Variants in PCDHGA9 observed in about 807,000 individuals in gnomAD.
PCDHGA9 encodes the protein protocadherin gamma subfamily A, 9.
PCDHGA9 carries 37 observed loss-of-function variants against 62.5 expected under a neutral mutation model. The ratio of observed to expected loss-of-function variants is 0.59; its 90% CI spans 0.46 to 0.78. PCDHGA9 has a LOEUF of 0.78. PCDHGA9 is among the 30% of genes least tolerant of loss of function. PCDHGA9 has a pLI of 0.00. For synonymous variants in PCDHGA9, 459 were observed against 484.6 expected (o/e 0.95, Z 0.69); for missense variants, 1,138 against 1,166.2 (o/e 0.98, Z 0.35).
intron 2 of PCDHGA9, among the ~76,000 whole-genome samples, chr5:141,500,125 T>C (rs1367341826): frequency 2.0e-5 from 3 of 151,970 alleles, no homozygotes; most frequent in African/African-American, 4.8e-5. Flanking sequence ...CCTTTTCATA[T>C]ATATCTTTCT....
At chr5:141,408,504 G>C (rs752297449) in intron 1 of PCDHGA9, 2 of 1,613,936 alleles carry the variant, frequency 1.2e-6, no homozygotes, top group Non-Finnish European at 1.7e-6. Context: ...GAGAGAAGAA[G>C]ATGTGAGTTG....
At chr5:141,409,986 A>G (rs995773112) in intron 1 of PCDHGA9, 27 of 1,612,796 alleles carry the variant, frequency 1.7e-5, no homozygotes, top group Non-Finnish European at 2.2e-5. Context: ...GTAGCGGTGG[A>G]CGCCGACTCG....
intron 1 of PCDHGA9, among the ~76,000 whole-genome samples, chr5:141,450,649 G>A (rs2098689040): frequency 6.6e-6 from 1 of 151,674 alleles, no homozygotes; most frequent in African/African-American, 2.4e-5. Flanking sequence ...ACCATGCCTG[G>A]CTAATTTTTG....
chr5:141,423,265 G>A (rs973635802), intron 1 of PCDHGA9: 15 of 1,613,548 alleles, frequency 9.3e-6, no homozygotes, highest in African/African-American at 1.3e-5. Context: ...CGGCAGCCTC[G>A]AGTCTCTGGC....
At chr5:141,433,358 C>CCTATCTATCTAT (rs3074541) in intron 1 of PCDHGA9, 6,701 of 503,954 alleles carry the variant, frequency 0.013, 75 homozygotes, top group East Asian at 0.016. Context: ...CTACTGTCTG[C>CCTATCTATCTAT]CTATCTATCT....
intron 1 of PCDHGA9, among the ~76,000 whole-genome samples, chr5:141,446,621 C>G (rs1284919173): frequency 6.6e-6 from 1 of 152,094 alleles, no homozygotes; most frequent in African/African-American, 2.4e-5. Context: ...GGACTACAGG[C>G]GTGCACCACC....
At chr5:141,473,033 G>GGAAA (rs1282468299) in intron 1 of PCDHGA9, among the ~76,000 whole-genome samples, 1 of 146,284 alleles carries the variant, frequency 6.8e-6, no homozygotes, top group African/African-American at 2.5e-5. Flanking sequence ...AAGGAAGGAA[G>GGAAA]GAAAGAAAGA....
intron 1 of PCDHGA9, chr5:141,478,813 A>G (rs2099478658): frequency 4.8e-6 from 7 of 1,453,346 alleles, no homozygotes; most frequent in Non-Finnish European, 6.3e-6. Context: ...TGCTATCACA[A>G]CTAACCAATC....
At chr5:141,409,098 G>A in intron 1 of PCDHGA9, 2 of 1,613,994 alleles carry the variant, frequency 1.2e-6, no homozygotes, top group Non-Finnish European at 1.7e-6. Flanking sequence ...GAGAAAACAG[G>A]TATGATTAAG....
rs370704205 is a variant in PCDHGA9, at chr5:141,422,166, T to C, written c.2424+16790T>C. 4.5e-6 allele frequency: 7 copies of C among 1,569,374 alleles called. No individual in the cohort carries two copies. In the South Asian group the frequency reaches 8.5e-5, roughly 19 times the overall value. ...GGGGGTCTCTGGATTTTGAAAAATA[T>C]AGATTCTATGAGATGGAAATTCAAG... On this transcript the variant is annotated intron_variant, in intron 1 of 3. Coordinates refer to ENST00000573521, the MANE Select transcript of PCDHGA9 (RefSeq NM_018921.3).
Position 141,486,929 on chromosome 5 carries a change from G to A in PCDHGA9, c.2425-7878G>A. 2.5e-6 allele frequency: 4 copies of A among 1,614,226 alleles called. No individual in the cohort carries two copies. Among genetic ancestry groups the A allele is most frequent in the Non-Finnish European group, 2.5e-6 (3 of 1,180,038 alleles). ...CCAAGCACTGCCTCCATCAGTTGGT[G>A]CTGGCCACCTAATCACAAAGGTGAC... On this transcript the variant is annotated intron_variant, in intron 1 of 3. Transcript: ENST00000573521. This position sits in a 1 kb window ranked among gnomAD's most constrained non-coding sequence, Gnocchi z 5.0.
At chr5:141,484,857 G>C in intron 1 of PCDHGA9, 1 of 264,370 alleles carries the variant, frequency 3.8e-6, no homozygotes. Flanking sequence ...TTTTTGGGGG[G>C]TGGGGGAGCG....
intron 2 of PCDHGA9, among the ~76,000 whole-genome samples, chr5:141,497,671 C>T (rs1026356633): frequency 6.6e-5 from 10 of 151,878 alleles, no homozygotes; most frequent in African/African-American, 2.4e-4. Flanking sequence ...TCCCGAGTAG[C>T]TGGGACAGCA....
chr5:141,500,989 C>T (rs779352768), intron 2 of PCDHGA9, among the ~76,000 whole-genome samples: 1 of 152,040 alleles, frequency 6.6e-6, no homozygotes, highest in Non-Finnish European at 1.5e-5. Context: ...CTGCCTCAGC[C>T]TCCTGAGTAG....
At chr5:141,484,626 C>T (rs1306600907) in intron 1 of PCDHGA9, among the ~76,000 whole-genome samples, 1 of 151,972 alleles carries the variant, frequency 6.6e-6, no homozygotes, top group African/African-American at 2.4e-5. Context: ...CTGGCTTGAA[C>T]AAAGTGACCA....
chr5:141,488,193 T>C (rs1211647195), intron 1 of PCDHGA9, among the ~76,000 whole-genome samples: 1 of 152,122 alleles, frequency 6.6e-6, no homozygotes, highest in Non-Finnish European at 1.5e-5. Flanking sequence ...TTGGTCTGGG[T>C]CTTAGGACTC....
At chr5:141,463,581 T>TG (rs2099064477) in intron 1 of PCDHGA9, among the ~76,000 whole-genome samples, 1 of 151,502 alleles carries the variant, frequency 6.6e-6, no homozygotes, top group Non-Finnish European at 1.5e-5. Context: ...CCCGAGTAGC[T>TG]GGGACTACAG....
intron 1 of PCDHGA9, chr5:141,408,334 C>T (rs2095086638): frequency 1.2e-6 from 2 of 1,613,910 alleles, no homozygotes; most frequent in East Asian, 2.2e-5. Context: ...TGGCCAAGGG[C>T]TCGGTGGTGG....
In PCDHGA9 at chr5:141,491,634, C is replaced by T; in HGVS notation, c.2425-3173C>T. On this transcript the variant is annotated intron_variant, in intron 1 of 3. Coordinates refer to ENST00000573521, the MANE Select transcript of PCDHGA9 (RefSeq NM_018921.3). This position sits in a 1 kb window ranked among gnomAD's most constrained non-coding sequence, Gnocchi z 6.9. ...TAAGACCCCTCAGCGTTCAGCAGCC[C>T]ACAGCTCTGGCGCTGGAGCCTGACG... 1 of 1,613,892 alleles carries T rather than the reference C, an allele frequency of 6.2e-7. No individual in the cohort carries two copies. Among genetic ancestry groups the T allele is most frequent in the South Asian group, 1.1e-5 (1 of 91,084 alleles).
Sources: allele counts gnomAD v4.1 joint callset (sites outside exome capture counted in the v4.1 genomes callset), GRCh38; gene constraint gnomAD v4.1.1; non-coding constraint Gnocchi (gnomAD v3.1); transcripts MANE v1.5; gene names NCBI Gene and HGNC (gene_info 2026-07-23, HGNC 2026-07-21).